SHROOM4: variants seen among roughly 807,000 people sequenced by gnomAD.
SHROOM4 encodes the protein protein Shroom4.
In SHROOM4, 17 loss-of-function variants were observed where a neutral mutation model predicts 80.3. The ratio of observed to expected loss-of-function variants is 0.21; its 90% CI spans 0.14 to 0.32. The LOEUF (loss-of-function observed/expected upper bound fraction) is 0.32. SHROOM4 is among the 10% of genes least tolerant of loss of function. The pLI, the probability that SHROOM4 is intolerant of heterozygous loss-of-function variation, is 1.00. For synonymous variants in SHROOM4, 400 were observed against 437.5 expected (o/e 0.91, Z 1.07); for missense variants, 993 against 1,140.3 (o/e 0.87, Z 1.86).
intron 2 of SHROOM4, among the ~76,000 whole-genome samples, chrX:50,643,877 C>T (rs868925606): frequency 8.9e-6 from 1 of 112,704 alleles, no homozygotes; most frequent in Admixed American, 9.3e-5. Context: ...TAAAAATACA[C>T]GTAAGTGAGA....
chrX:50,721,759 C>A (rs886249583), intron 1 of SHROOM4, among the ~76,000 whole-genome samples: 6 of 111,739 alleles, frequency 5.4e-5, no homozygotes, highest in Admixed American at 1.9e-4. Flanking sequence ...TGCAAATTAG[C>A]CTGAATCTTT....
In SHROOM4 at chrX:50,589,099, T is replaced by C. The variant is rs930109904; in HGVS notation, c.*7596A>G. ...AGTACAAGGCTGAGACTACTGTTTG[T>C]CCTTATGTTGCTGGGTCTTCCAGGT... On this transcript the variant is annotated 3_prime_UTR_variant, in exon 9 of 9. Transcript: ENST00000376020. 1.8e-5 allele frequency among the ~76,000 whole-genome samples: 2 copies of C among 111,731 alleles called. No homozygotes were observed. The highest frequency in any genetic ancestry group is 3.8e-5 in the Non-Finnish European group (2 of 53,166).
intron 2 of SHROOM4, among the ~76,000 whole-genome samples, chrX:50,678,576 A>G (rs1270072263): frequency 9.0e-6 from 1 of 111,465 alleles, no homozygotes; most frequent in East Asian, 2.8e-4. Flanking sequence ...TTGCATTTCA[A>G]TGACATCCTG....
At chrX:50,766,422 G>GC (rs1935279052) in intron 1 of SHROOM4, among the ~76,000 whole-genome samples, 1 of 111,304 alleles carries the variant, frequency 9.0e-6, no homozygotes, top group Non-Finnish European at 1.9e-5. Context: ...AAACTTTCTT[G>GC]TGGAACTTAA....
intron 1 of SHROOM4, among the ~76,000 whole-genome samples, chrX:50,813,157 CAGT>C (rs1287903137): frequency 4.9e-5 from 4 of 81,636 alleles, no homozygotes; most frequent in African/African-American, 1.6e-4. Context: ...GCGGCGGCGG[CAGT>C]GGCGGCGGCG....
At chrX:50,809,551 T>C (rs1304986390) in intron 1 of SHROOM4, among the ~76,000 whole-genome samples, 2 of 112,529 alleles carry the variant, frequency 1.8e-5, no homozygotes, top group South Asian at 7.4e-4. Flanking sequence ...GGCCCCACTC[T>C]GCAAATAGAG....
chrX:50,656,435 A>G (rs1932307732), intron 2 of SHROOM4, among the ~76,000 whole-genome samples: 1 of 111,844 alleles, frequency 8.9e-6, no homozygotes, highest in Non-Finnish European at 1.9e-5. Flanking sequence ...TTTATATATG[A>G]TGTAGGATAA....
intron 1 of SHROOM4, among the ~76,000 whole-genome samples, chrX:50,736,185 A>G (rs1934487096): frequency 9.0e-6 from 1 of 110,555 alleles, no homozygotes; most frequent in South Asian, 3.9e-4. Flanking sequence ...TTATTTCTCC[A>G]TATCTTCATA....
intron 2 of SHROOM4, among the ~76,000 whole-genome samples, chrX:50,646,535 T>C (rs374542430): frequency 5.6e-5 from 5 of 89,390 alleles, no homozygotes; most frequent in African/African-American, 2.4e-4. Flanking sequence ...AGAGTGTGTG[T>C]GTGTGTGTGT....
chrX:50,788,010 G>C (rs1465997505), intron 1 of SHROOM4, among the ~76,000 whole-genome samples: 2 of 111,884 alleles, frequency 1.8e-5, no homozygotes, highest in African/African-American at 6.5e-5. Context: ...AAATTCACTG[G>C]CAAAGTTAAA....
intron 5 of SHROOM4, among the ~76,000 whole-genome samples, chrX:50,614,106 G>A (rs782546461): frequency 2.2e-3 from 247 of 111,909 alleles, no homozygotes; most frequent in Non-Finnish European, 4.1e-3. Context: ...AAATAAAGCT[G>A]AATCATCCTA....
intron 2 of SHROOM4, chrX:50,643,508 C>T (rs1434626343): frequency 8.9e-6 from 1 of 111,733 alleles, no homozygotes; most frequent in Non-Finnish European, 1.9e-5. Context: ...CAGTCAGGTT[C>T]CAGTTCTAAG....
At chrX:50,798,195 A>C (rs782522776) in intron 1 of SHROOM4, among the ~76,000 whole-genome samples, 2 of 110,931 alleles carry the variant, frequency 1.8e-5, no homozygotes, top group Admixed American at 9.7e-5. Flanking sequence ...CAACAAGAGC[A>C]TGGGAAAGAA....
At chrX:50,646,527 AGTGTGTGTGTGTGT>A (rs782016561) in intron 2 of SHROOM4, among the ~76,000 whole-genome samples, 199 of 78,776 alleles carry the variant, frequency 2.5e-3, no homozygotes, top group African/African-American at 8.4e-3. Context: ...AGGGGGGAAG[AGTGTGTGTGTGTGT>A]GTGTGTGTGT....
intron 1 of SHROOM4, among the ~76,000 whole-genome samples, chrX:50,700,249 A>G (rs1933482881): frequency 1.8e-5 from 2 of 112,390 alleles, no homozygotes; most frequent in Admixed American, 9.4e-5. Context: ...GACAGAAAAG[A>G]TCCACTCAGA....
the SHROOM4 span, among the ~76,000 whole-genome samples, chrX:50,581,472 G>A: frequency 3.6e-4 from 40 of 111,287 alleles, no homozygotes; most frequent in Admixed American, 3.3e-3. Context: ...CTGTCAGTCC[G>A]GCTGAGGGTC....
At chrX:50,642,871 T>G (rs1396753827) in intron 2 of SHROOM4, among the ~76,000 whole-genome samples, 1 of 111,675 alleles carries the variant, frequency 9.0e-6, no homozygotes, top group African/African-American at 3.3e-5. Context: ...GGAATGAAAC[T>G]CAGATCCTCC....
intron 1 of SHROOM4, among the ~76,000 whole-genome samples, chrX:50,701,668 G>A (rs1003199305): frequency 4.5e-5 from 5 of 111,749 alleles, no homozygotes; most frequent in Admixed American, 9.5e-5. Context: ...TAATAAATTA[G>A]ATCATCCATA....
rs142456039 is a variant in SHROOM4 at position 50,697,247 on chromosome X, G to A, written c.118-1310C>T. The stretch of plus-strand genomic sequence containing the variant: ...TTGTTTGTTTCCAGGGAAAGGGAAC[G>A]TAAGGATAATTAAATTGTATAGTCC... On this transcript the variant is annotated intron_variant, in intron 1 of 8. Transcript: ENST00000376020. 2.8e-3 allele frequency among the ~76,000 whole-genome samples: 310 copies of A among 111,621 alleles called. 2 individuals carry two copies. Among genetic ancestry groups the A allele is most frequent in the African/African-American group, 9.7e-3 (298 of 30,797 alleles).
Sources: allele counts gnomAD v4.1 joint callset (sites outside exome capture counted in the v4.1 genomes callset), GRCh38; gene constraint gnomAD v4.1.1; transcripts MANE v1.5; gene names NCBI Gene and HGNC (gene_info 2026-07-23, HGNC 2026-07-21).